Variants in COL8A1 observed in about 807,000 individuals in gnomAD.
The protein encoded by COL8A1 is collagen type VIII alpha 1 chain.
COL8A1 carries 21 observed loss-of-function variants against 42.7 expected under a neutral mutation model. The ratio of observed to expected loss-of-function variants is 0.49; its 90% CI spans 0.35 to 0.71. The LOEUF is 0.71. Ranked by LOEUF, COL8A1 falls within the 30% of genes least tolerant of loss-of-function variation. The probability of loss-of-function intolerance (pLI) is 0.01; values close to 1 mark genes in which losing one functional copy is unlikely to be tolerated. For synonymous variants in COL8A1, 367 were observed against 369.1 expected (o/e 0.99, Z 0.06); for missense variants, 788 against 962.4 (o/e 0.82, Z 2.40).
rs1941986821 is a variant in COL8A1, at chr3:99,790,840, C to T, written c.158C>T (p.Pro53Leu). 1 of 1,614,136 alleles carries T rather than the reference C, an allele frequency of 6.2e-7. No homozygotes were observed. The highest frequency in any genetic ancestry group is 1.3e-5 in the African/African-American group (1 of 74,954). ...QMPPQIPQYQ[P>L]LGQQVPHMPL... Reference sequence around the variant, plus strand: ...CCACCACAAATTCCACAATACCAGCCCCTGGGTCAGCAAGTACCTCACATG... The same window carrying T: ...CCACCACAAATTCCACAATACCAGCTCCTGGGTCAGCAAGTACCTCACATG... The change falls in exon 3 of 4, where the codon CCC becomes CTC. Residue 53 changes from proline to leucine, a missense_variant. Coordinates refer to ENST00000652472, the MANE Select transcript of COL8A1 (RefSeq NM_020351.4).
intron 2 of COL8A1, among the ~76,000 whole-genome samples, chr3:99,756,168 G>A (rs1941250282): frequency 1.3e-5 from 2 of 151,564 alleles, no homozygotes; most frequent in African/African-American, 2.4e-5. Context: ...AGATAAGTAC[G>A]AATACCATTT....
intron 2 of COL8A1, among the ~76,000 whole-genome samples, chr3:99,753,512 G>A (rs1169413624): frequency 6.6e-6 from 1 of 152,176 alleles, no homozygotes; most frequent in Non-Finnish European, 1.5e-5. Context: ...AGAAAACACT[G>A]ACGCCAGGGT....
intron 2 of COL8A1, among the ~76,000 whole-genome samples, chr3:99,767,142 A>G (rs1941480223): frequency 6.6e-6 from 1 of 152,212 alleles, no homozygotes; most frequent in Non-Finnish European, 1.5e-5. Flanking sequence ...TCTGTGGTTC[A>G]TCTTTTCCCT....
intron 1 of COL8A1, among the ~76,000 whole-genome samples, chr3:99,719,653 A>G (rs547705320): frequency 9.9e-5 from 15 of 152,244 alleles, no homozygotes; most frequent in African/African-American, 3.4e-4. Context: ...AAGCATGAGT[A>G]AGTGTTAGCC....
rs1942119371 is a variant in COL8A1 at position 99,796,935 on chromosome 3, T to G, written c.*799T>G. Reference sequence around the variant, plus strand: ...ATTAACTCACTTGTTCCCCAGAGTTTCTATTTGTTTTGATTTTCTTTTTCT... The same window carrying G: ...ATTAACTCACTTGTTCCCCAGAGTTGCTATTTGTTTTGATTTTCTTTTTCT... On this transcript the variant is annotated 3_prime_UTR_variant, in exon 4 of 4. Transcript: ENST00000652472. The G allele has an allele frequency of 6.6e-6, 1 of 152,188 alleles. No homozygotes were observed. The highest frequency in any genetic ancestry group is 2.1e-4 in the South Asian group (1 of 4,830). 9.4% of individuals were successfully genotyped at this position (152,188 alleles called of 1,614,324 possible).
chr3:99,703,475 T>A (rs1009395150), intron 1 of COL8A1: 1 of 152,196 alleles, frequency 6.6e-6, no homozygotes, highest in Non-Finnish European at 1.5e-5. Flanking sequence ...ATCATTGGAA[T>A]GAGATCACTA....
intron 1 of COL8A1, among the ~76,000 whole-genome samples, chr3:99,658,322 G>A (rs1938093157): frequency 6.6e-6 from 1 of 151,844 alleles, no homozygotes; most frequent in African/African-American, 2.4e-5. Context: ...TAATTTTTAG[G>A]GCTTTTATTT....
chr3:99,679,589 A>C (rs1406703050), intron 1 of COL8A1: 2 of 152,206 alleles, frequency 1.3e-5, no homozygotes, highest in African/African-American at 4.8e-5. Flanking sequence ...AATGGAAGTC[A>C]AAATACTTTA....
At chr3:99,645,752 T>C (rs1042705450) in intron 1 of COL8A1, among the ~76,000 whole-genome samples, 4 of 151,978 alleles carry the variant, frequency 2.6e-5, no homozygotes, top group Non-Finnish European at 5.9e-5. Flanking sequence ...CCCACATTTC[T>C]GGCATTAGCA....
chr3:99,762,237 C>A (rs750469470), intron 2 of COL8A1, among the ~76,000 whole-genome samples: 2 of 152,122 alleles, frequency 1.3e-5, no homozygotes, highest in African/African-American at 2.4e-5. Context: ...ACTTTGATAC[C>A]AACAAAGAAA....
chr3:99,732,025 T>G (rs1466557884), intron 1 of COL8A1, among the ~76,000 whole-genome samples: 2 of 152,140 alleles, frequency 1.3e-5, no homozygotes, highest in Non-Finnish European at 2.9e-5. Context: ...GGCAGAAGAA[T>G]TCTTTTCTAG....
intron 1 of COL8A1, among the ~76,000 whole-genome samples, chr3:99,663,777 T>TG (rs2107304435): frequency 6.6e-6 from 1 of 151,288 alleles, no homozygotes; most frequent in East Asian, 1.9e-4. Flanking sequence ...TTTTGTTTTT[T>TG]GGGGAGAATA....
At chr3:99,735,839 G>C (rs1020057318) in intron 1 of COL8A1, among the ~76,000 whole-genome samples, 2 of 151,950 alleles carry the variant, frequency 1.3e-5, no homozygotes, top group African/African-American at 4.8e-5. Context: ...TCCTGTTATT[G>C]GTCTATTCAG....
chr3:99,726,905 G>C (rs75367213), intron 1 of COL8A1, among the ~76,000 whole-genome samples: 2 of 151,852 alleles, frequency 1.3e-5, no homozygotes, highest in Non-Finnish European at 2.9e-5. Flanking sequence ...GCTCTTTTTT[G>C]GTTCCACATG....
chr3:99,750,972 A>G (rs772858033), intron 2 of COL8A1, among the ~76,000 whole-genome samples: 2 of 152,214 alleles, frequency 1.3e-5, no homozygotes, highest in East Asian at 1.9e-4. Context: ...GTAAAATGTC[A>G]GGTGGAAATA....
intron 1 of COL8A1, among the ~76,000 whole-genome samples, chr3:99,659,593 T>A (rs1938136109): frequency 6.6e-6 from 1 of 152,166 alleles, no homozygotes; most frequent in Non-Finnish European, 1.5e-5. Context: ...TAAGTAGATA[T>A]GGCTGGCTCA....
chr3:99,666,475 C>T (rs943790108), intron 1 of COL8A1, among the ~76,000 whole-genome samples: 7 of 152,168 alleles, frequency 4.6e-5, no homozygotes, highest in Admixed American at 1.3e-4. Flanking sequence ...TTCTTCCACA[C>T]TCAGATAAAG....
chr3:99,717,430 T>C (rs1266371619), intron 1 of COL8A1, among the ~76,000 whole-genome samples: 4 of 152,020 alleles, frequency 2.6e-5, no homozygotes, highest in Non-Finnish European at 5.9e-5. Flanking sequence ...AACACACCAC[T>C]TAGAATAATC....
At chr3:99,678,567 C>CATT (rs1938770917) in intron 1 of COL8A1, 1 of 127,466 alleles carries the variant, frequency 7.8e-6, no homozygotes, top group African/African-American at 2.8e-5. Flanking sequence ...CGTAGATCTC[C>CATT]ATTTTTCTGG....
Sources: gnomAD v4.1 joint callset for allele counts (sites outside exome capture counted in the v4.1 genomes callset) on GRCh38, gnomAD v4.1.1 for gene constraint, MANE v1.5 for transcripts, NCBI Gene and HGNC (gene_info 2026-07-23, HGNC 2026-07-21) for gene names.